PERM1: variants seen among roughly 807,000 people sequenced by gnomAD.
PERM1 encodes the protein PGC-1 and ERR-induced regulator in muscle protein 1.
A neutral mutation model predicts 44.1 loss-of-function variants in PERM1; 45 were observed. The observed-to-expected ratio is 1.02, with a 90% confidence interval of 0.80 to 1.31. The LOEUF (loss-of-function observed/expected upper bound fraction) is 1.31. PERM1 is among the 50% of genes most tolerant of loss of function. The probability of loss-of-function intolerance (pLI) is 0.00; values close to 1 mark genes in which losing one functional copy is unlikely to be tolerated. For missense variants in PERM1, 1,189 were observed against 1,106.9 expected, an observed-to-expected ratio of 1.07 and a Z score of -1.05; for synonymous variants, 565 against 477.1, an observed-to-expected ratio of 1.18 and a Z score of -2.40.
chr1:978,876 C>T lies in PERM1; in HGVS notation c.2149+5G>A, dbSNP rs774113351. The T allele has an allele frequency of 2.7e-6, 4 of 1,473,992 alleles. No homozygotes were observed. Among genetic ancestry groups the T allele is most frequent in the Admixed American group, 5.0e-5 (2 of 40,314 alleles). The allele number at this position is 1,473,992 out of a possible 1,614,324, so 91.3% of individuals were successfully genotyped here. A position where few individuals can be genotyped will look rare whatever the true frequency, so the allele number is the denominator to read the frequency against. ...GGACGGGCTGTGGGATCCGAGAGCA[C>T]GTACCTGCCCGTCTAAGAGCCAGGT... On this transcript the variant is annotated splice_donor_5th_base_variant and intron_variant, in intron 1 of 2. Transcript: ENST00000433179.
chr1:976,249 T>G, exon 3 of PERM1: 3 of 1,529,444 alleles, frequency 2.0e-6, no homozygotes, highest in Non-Finnish European at 2.6e-6. Flanking sequence ...GCAGAGATGG[T>G]GCCGACGTTG....
exon 1 of PERM1, chr1:979,317 C>T (rs764147242): frequency 5.9e-6 from 9 of 1,535,310 alleles, no homozygotes; most frequent in African/African-American, 1.4e-5. Context: ...TGCTCCCGGG[C>T]CCGACCCTCG....
In PERM1 at chr1:976,631, C is replaced by A. The variant is rs914818490; in HGVS notation, c.2150-7G>T. Reference sequence around the variant, plus strand: ...ACAGGCCCCCGGAGCTCCCCTAGGACAGAAGCTCACCTTCAGCCCCACGGC... The same window carrying A: ...ACAGGCCCCCGGAGCTCCCCTAGGAAAGAAGCTCACCTTCAGCCCCACGGC... On this transcript the variant is annotated splice_polypyrimidine_tract_variant and splice_region_variant and intron_variant, in intron 1 of 2. Transcript: ENST00000433179. 6.5e-7 allele frequency: 1 copy of A among 1,549,070 alleles called. No homozygotes were observed.
chr1:976,577 T>C (rs1285312079), exon 2 of PERM1: 19 of 1,549,532 alleles, frequency 1.2e-5, no homozygotes, highest in Non-Finnish European at 1.4e-5. Context: ...ACCAGGCACA[T>C]GTCATTCTGG....
exon 2 of PERM1, chr1:976,549 G>C (rs962887013): frequency 6.5e-7 from 1 of 1,549,488 alleles, no homozygotes; most frequent in Non-Finnish European, 8.7e-7. Flanking sequence ...CACAGCCCAG[G>C]TGGCAAAAGC....
In PERM1 at chr1:976,027, G is replaced by C. The variant is rs553144386; in HGVS notation, c.*145C>G. 3.1e-4 allele frequency: 246 copies of C among 783,912 alleles called. 7 individuals carry two copies. In the South Asian group the frequency reaches 4.5e-3, roughly 14 times the overall value. 48.6% of individuals were successfully genotyped at this position (783,912 alleles called of 1,614,324 possible). Reference sequence around the variant, plus strand: ...ACTGGCTGGATCCTCAGGTGAGTCGGAGGGAGCAGCACCAGGACACGCCCC... The same window carrying C: ...ACTGGCTGGATCCTCAGGTGAGTCGCAGGGAGCAGCACCAGGACACGCCCC... On this transcript the variant is annotated 3_prime_UTR_variant, in exon 3 of 3. Coordinates refer to ENST00000433179, the Ensembl canonical transcript of PERM1.
intron 1 of PERM1, among the ~76,000 whole-genome samples, chr1:978,613 A>G (rs866266081): frequency 3.3e-5 from 5 of 152,198 alleles, no homozygotes; most frequent in Admixed American, 1.3e-4. Context: ...ACCCTGCCAG[A>G]GGCTGGGGGA....
chr1:979,038 G>C (rs773737688), exon 1 of PERM1: 1 of 1,540,490 alleles, frequency 6.5e-7, no homozygotes, highest in Non-Finnish European at 8.8e-7. Flanking sequence ...CCTCCCCGAA[G>C]AAGAAGTGTT....
exon 3 of PERM1, chr1:975,369 G>A (rs941041645): frequency 6.6e-6 from 1 of 152,322 alleles, no homozygotes; most frequent in Non-Finnish European, 1.5e-5. Flanking sequence ...ACTCCTCTTG[G>A]CTGTGGGTCC....
At chr1:979,205 C>T in exon 1 of PERM1, 1 of 1,550,150 alleles carries the variant, frequency 6.5e-7, no homozygotes, top group South Asian at 1.2e-5. Context: ...CACTGGACGC[C>T]TGCCGGATCC....
exon 3 of PERM1, chr1:976,238 G>T: frequency 6.5e-7 from 1 of 1,536,230 alleles, no homozygotes; most frequent in South Asian, 1.2e-5. Flanking sequence ...AGTAGCGGAT[G>T]GCAGAGATGG....
chr1:979,459 C>T (rs34903276), exon 1 of PERM1: 78,816 of 1,546,792 alleles, frequency 0.051, 2,353 homozygotes, highest in Non-Finnish European at 0.057. Context: ...GGCTGAGGGC[C>T]GGGCTGAGGC....
At chr1:980,922 G>A (rs1472388469) in exon 1 of PERM1, 24 of 1,418,312 alleles carry the variant, frequency 1.7e-5, no homozygotes, top group Non-Finnish European at 2.1e-5. Context: ...ACAAGAGCTC[G>A]TCCCCAGAGG....
At chr1:981,744 G>A (rs1033728655), upstream of PERM1, among the ~76,000 whole-genome samples, 8 of 152,254 alleles carry the variant, frequency 5.3e-5, no homozygotes, top group South Asian at 1.0e-3. Context: ...ACCTCGGGCC[G>A]TCCTCGAGGT....
chr1:980,451 AC>A lies in PERM1; in HGVS notation c.578del (p.Gly193ValfsTer27). On this transcript the variant is annotated frameshift_variant, in exon 1 of 3. Transcript: ENST00000433179. LOFTEE classifies it high-confidence loss of function. ...CAGAAGCAGAGGCTCCTGTGTGCCCACCCCCCTTGGCACCCACAGCTCGCCT... is the reference window on the plus strand; with the variant it reads ...CAGAAGCAGAGGCTCCTGTGTGCCCACCCCCTTGGCACCCACAGCTCGCCT... 3 of 1,539,044 alleles carry A rather than the reference AC, an allele frequency of 1.9e-6. No individual in the cohort carries two copies. The highest frequency in any genetic ancestry group is 1.4e-5 in the African/African-American group (1 of 72,694).
At chr1:978,835 T>C in intron 1 of PERM1, 46 bp downstream of exon 2, 1 of 1,421,578 alleles carries the variant, frequency 7.0e-7, no homozygotes, top group Non-Finnish European at 9.3e-7. Context: ...CCCTGGACAG[T>C]GTGTGCCTGG....
At chr1:980,891 C>G in exon 1 of PERM1, 1 of 1,409,714 alleles carries the variant, frequency 7.1e-7, no homozygotes, top group Non-Finnish European at 9.2e-7. Flanking sequence ...CCACTGCTGT[C>G]CCCTTGGTCA....
At position 976,633 on chromosome 1, in the gene PERM1, G is replaced by T; in HGVS notation, c.2150-9C>A. ...AGGCCCCCGGAGCTCCCCTAGGACA[G>T]AAGCTCACCTTCAGCCCCACGGCTG... On this transcript the variant is annotated splice_polypyrimidine_tract_variant and intron_variant, in intron 1 of 2. Coordinates refer to ENST00000433179, the Ensembl canonical transcript of PERM1. The T allele has an allele frequency of 1.3e-6, 2 of 1,549,020 alleles. No individual in the cohort carries two copies. Among genetic ancestry groups the T allele is most frequent in the Non-Finnish European group, 8.7e-7 (1 of 1,146,100 alleles).
chr1:981,909 C>T, upstream of PERM1: 1 of 343,906 alleles, frequency 2.9e-6, no homozygotes, highest in Non-Finnish European at 4.1e-6. Context: ...GGTGGGAAGT[C>T]ACTTTGGTGG....
Sources: allele counts gnomAD v4.1 joint callset (sites outside exome capture counted in the v4.1 genomes callset), GRCh38; gene constraint gnomAD v4.1.1; transcripts MANE v1.5; gene names NCBI Gene and HGNC (gene_info 2026-07-23, HGNC 2026-07-21).